The following DPP8 variants were observed in gnomAD, a reference collection of about 807,000 sequenced individuals.
DPP8 encodes the protein DPP VIII.
In DPP8, 31 loss-of-function variants were observed where a neutral mutation model predicts 107.5. That is an observed-to-expected ratio of 0.29 (90% CI 0.22 to 0.39). DPP8 has a LOEUF of 0.39. Ranked by LOEUF, DPP8 falls within the 10% of genes least tolerant of loss-of-function variation. DPP8 has a pLI of 1.00. For synonymous variants in DPP8, 381 were observed against 356.6 expected, an observed-to-expected ratio of 1.07 and a Z score of -0.77; for missense variants, 842 against 1,076.1, an observed-to-expected ratio of 0.78 and a Z score of 3.04.
At position 65,500,710 on chromosome 15, in the gene DPP8, C is replaced by G; in HGVS notation, c.442G>C (p.Val148Leu). Residue 148 changes from valine (V) to leucine (L), a missense_variant, in exon 4 of 20, where the codon GTC becomes CTC. Val to Leu is a conservative substitution (Grantham distance 32). Transcript: ENST00000300141. The part of the protein sequence containing the change: ...LLRERKRIGT[V>L]GIASYDYHQG... ...TGATAATCGTAAGAAGCAATTCCGACTGTTCCAATGCGTTTTCTTTCTCTT... is the reference window on the plus strand; with the variant it reads ...TGATAATCGTAAGAAGCAATTCCGAGTGTTCCAATGCGTTTTCTTTCTCTT... The G allele has an allele frequency of 6.2e-7, 1 of 1,613,950 alleles. No homozygotes were observed. Among genetic ancestry groups the G allele is most frequent in the Non-Finnish European group, 8.5e-7 (1 of 1,179,866 alleles).
chr15:65,468,971 T>C (rs1215431716), intron 12 of DPP8, among the ~76,000 whole-genome samples: 2 of 152,126 alleles, frequency 1.3e-5, no homozygotes, highest in African/African-American at 2.4e-5. Flanking sequence ...GGCCTAAGAA[T>C]GTGCATTTCT....
intron 5 of DPP8, among the ~76,000 whole-genome samples, chr15:65,496,175 G>A (rs2068582129): frequency 6.6e-6 from 1 of 151,834 alleles, no homozygotes; most frequent in African/African-American, 2.4e-5. Flanking sequence ...CGTAGAGACA[G>A]GGTTTCACTG....
chr15:65,512,850 C>T (rs540627943), intron 1 of DPP8: 6 of 353,488 alleles, frequency 1.7e-5, no homozygotes, highest in Middle Eastern at 8.1e-4. Flanking sequence ...CTTGCCAAAA[C>T]TCCCTTTTCT....
At chr15:65,514,137 T>C (rs1325265817) in intron 1 of DPP8, among the ~76,000 whole-genome samples, 1 of 152,258 alleles carries the variant, frequency 6.6e-6, no homozygotes, top group Non-Finnish European at 1.5e-5. Flanking sequence ...TAAGCACACG[T>C]TACTGGCATG....
Position 65,445,398 on chromosome 15 carries a change from C to T in DPP8, c.*1486G>A, listed in dbSNP as rs1445653324. Reference sequence around the variant, plus strand: ...TAGATGCCTTCCCTGCCACTGGTGTCAATGTGACCAATCTAGCACCCCAAG... The same window carrying T: ...TAGATGCCTTCCCTGCCACTGGTGTTAATGTGACCAATCTAGCACCCCAAG... On this transcript the variant is annotated 3_prime_UTR_variant, in exon 20 of 20. Transcript: ENST00000300141. 6.6e-6 allele frequency: 1 copy of T among 152,554 alleles called. No homozygotes were observed. Among genetic ancestry groups the T allele is most frequent in the Non-Finnish European group, 1.5e-5 (1 of 68,040 alleles). The allele number at this position is 152,554 out of a possible 1,614,324, so 9.5% of individuals were successfully genotyped here. A position where few individuals can be genotyped will look rare whatever the true frequency, so the allele number is the denominator to read the frequency against.
rs148988829 is a variant in DPP8 at position 65,513,493 on chromosome 15, T to C, written c.-11-929A>G. ...TCCCAAAGTGCTGGGATTACAGGCATGAGCCACCGCGCCCAGCGTGGTGAC... is the reference window on the plus strand; with the variant it reads ...TCCCAAAGTGCTGGGATTACAGGCACGAGCCACCGCGCCCAGCGTGGTGAC... On this transcript the variant is annotated intron_variant, in intron 1 of 19. Coordinates refer to ENST00000300141, the MANE Select transcript of DPP8 (RefSeq NM_130434.5). Among the ~76,000 whole-genome samples the C allele has an allele frequency of 7.5e-3, 1,150 of 152,366 alleles. 14 individuals carry two copies. The highest frequency in any genetic ancestry group is 0.026 in the African/African-American group (1,099 of 41,584).
chr15:65,501,022 C>T (rs894862152), intron 3 of DPP8, among the ~76,000 whole-genome samples: 4 of 151,874 alleles, frequency 2.6e-5, no homozygotes, highest in African/African-American at 7.3e-5. Flanking sequence ...GGACTACAGG[C>T]GCCCGCAACC....
intron 12 of DPP8, among the ~76,000 whole-genome samples, chr15:65,467,457 C>T (rs1020424586): frequency 2.6e-5 from 4 of 152,258 alleles, no homozygotes; most frequent in Admixed American, 6.5e-5. Flanking sequence ...TCATGGCTCA[C>T]TGCAGCTTCA....
rs1362890143 is a variant in DPP8 at position 65,512,498 on chromosome 15, T to C, written c.56A>G (p.Asp19Gly). 4 of 1,614,030 alleles carry C rather than the reference T, an allele frequency of 2.5e-6. No homozygotes were observed. The highest frequency in any genetic ancestry group is 3.4e-6 in the Non-Finnish European group (4 of 1,180,012). ...CTGTGATTCAATATTCTCCTCACAG[T>C]CCGCAGTTTCAAATATCTCAACACC... is the stretch of plus-strand genomic sequence containing the variant. Reference protein sequence around the residue: ...QLGVEIFETADCEENIESQDR... With the variant: ...QLGVEIFETAGCEENIESQDR... The change falls in exon 2 of 20, where the codon GAC (aspartate) becomes GGC (glycine). Residue 19 changes from aspartate to glycine, a missense_variant. By Grantham distance (94) the Asp-to-Gly change is moderately conservative. Around this residue, in one of 2 missense-constraint regions of DPP8, gnomAD observed 663 missense variants for 758.0 expected, o/e 0.87. Coordinates refer to ENST00000300141, the MANE Select transcript of DPP8 (RefSeq NM_130434.5).
At chr15:65,491,940 G>C (rs891319732) in intron 5 of DPP8, among the ~76,000 whole-genome samples, 1 of 152,068 alleles carries the variant, frequency 6.6e-6, no homozygotes, top group African/African-American at 2.4e-5. Context: ...CACTGTGTTA[G>C]CCAGAATGGT....
chr15:65,444,379 C>T lies in DPP8; in HGVS notation c.*2505G>A, dbSNP rs774646867. Reference sequence around the variant, plus strand: ...TACACATTTATCAAGTCTTTAAAAACGTAGTATGATATTTAACCTAGTGCT... The same window carrying T: ...TACACATTTATCAAGTCTTTAAAAATGTAGTATGATATTTAACCTAGTGCT... On this transcript the variant is annotated 3_prime_UTR_variant, in exon 20 of 20. Coordinates refer to ENST00000300141, the MANE Select transcript of DPP8 (RefSeq NM_130434.5). The T allele has an allele frequency of 1.3e-5, 2 of 152,178 alleles. No homozygotes were observed. The highest frequency in any genetic ancestry group is 2.9e-5 in the Non-Finnish European group (2 of 68,034). The allele number at this position is 152,178 out of a possible 1,614,324, so 9.4% of individuals were successfully genotyped here. A position where few individuals can be genotyped will look rare whatever the true frequency, so the allele number is the denominator to read the frequency against.
chr15:65,447,174 T>A (rs1025280234), intron 19 of DPP8, among the ~76,000 whole-genome samples, 168 bp from the exon 20 acceptor site: 1 of 152,162 alleles, frequency 6.6e-6, no homozygotes, highest in Non-Finnish European at 1.5e-5. Context: ...CATCTTATGA[T>A]TTCCTTATTT....
intron 2 of DPP8, among the ~76,000 whole-genome samples, chr15:65,509,629 C>G (rs1246878977): frequency 6.6e-6 from 1 of 152,178 alleles, no homozygotes; most frequent in Non-Finnish European, 1.5e-5. Context: ...AAGTAAAATG[C>G]TAATGTAACG....
In DPP8 at chr15:65,448,868, ATATATATATATATATATATATATATATAT is replaced by A. The variant is rs2063714691; in HGVS notation, c.2527-1891_2527-1863del. Among the ~76,000 whole-genome samples, 51 of 5,624 alleles carry A rather than the reference ATATATATATATATATATATATATATATAT, an allele frequency of 9.1e-3. 3 individuals are homozygous for A. The highest frequency in any genetic ancestry group is 0.031 in the African/African-American group (50 of 1,628). The allele number at this position is 5,624 out of a possible 152,430, so 3.7% of individuals were successfully genotyped here. On this transcript the variant is annotated intron_variant, in intron 19 of 19. Coordinates refer to ENST00000300141, the MANE Select transcript of DPP8 (RefSeq NM_130434.5). ...TAAAATATACATATATATCTAAAAT[ATATATATATATATATATATATATATATAT>A]ATATATATATATATATATATATATA...
At chr15:65,474,169 TA>T (rs1303110677) in intron 12 of DPP8, 39 bp downstream of exon 12, 1 of 1,413,074 alleles carries the variant, frequency 7.1e-7, no homozygotes, top group Non-Finnish European at 1.0e-6. Context: ...ATTCACACAG[TA>T]ATACTGACCA....
chr15:65,449,166 C>T (rs2063780549), intron 19 of DPP8, among the ~76,000 whole-genome samples: 2 of 142,918 alleles, frequency 1.4e-5, no homozygotes, highest in Non-Finnish European at 3.1e-5. Flanking sequence ...GCCAAGATCA[C>T]ACCACTGTGC....
chr15:65,505,665 T>C (rs911981744), intron 3 of DPP8, among the ~76,000 whole-genome samples: 11 of 151,948 alleles, frequency 7.2e-5, no homozygotes, highest in African/African-American at 2.7e-4. Context: ...AAATGATTAG[T>C]TGTGGCCAGG....
At chr15:65,457,227 G>A (rs2064506381) in intron 15 of DPP8, among the ~76,000 whole-genome samples, 1 of 152,110 alleles carries the variant, frequency 6.6e-6, no homozygotes, top group African/African-American at 2.4e-5. Context: ...GGTGGGGAGT[G>A]CCTGTGATCC....
At chr15:65,494,534 G>A (rs192216516) in intron 5 of DPP8, among the ~76,000 whole-genome samples, 3 of 151,182 alleles carry the variant, frequency 2.0e-5, no homozygotes, top group Non-Finnish European at 2.9e-5. Context: ...TTAGGTAGGC[G>A]TGGTGGCACA....
Sources: allele counts gnomAD v4.1 joint callset (sites outside exome capture counted in the v4.1 genomes callset), GRCh38; gene constraint gnomAD v4.1.1; regional missense constraint gnomAD v4.1.1; transcripts MANE v1.5; gene names NCBI Gene and HGNC (gene_info 2026-07-23, HGNC 2026-07-21).